ADGRL3: variants seen among roughly 807,000 people sequenced by gnomAD.
The protein encoded by ADGRL3 is adhesion G protein-coupled receptor L3.
In ADGRL3, 62 loss-of-function variants were observed where a neutral mutation model predicts 153.5. The observed-to-expected ratio is 0.40, with a 90% CI of 0.33 to 0.50. The LOEUF is 0.50. Ranked by LOEUF, ADGRL3 falls within the 20% of genes least tolerant of loss-of-function variation. The probability of loss-of-function intolerance (pLI) is 0.47; values close to 1 mark genes in which losing one functional copy is unlikely to be tolerated. For missense variants in ADGRL3, 1,641 were observed against 1,859.4 expected (o/e 0.88, Z 2.16); for synonymous variants, 710 against 672.5 (o/e 1.06, Z -0.86).
At chr4:61,568,325 T>G (rs181322482) in intron 4 of ADGRL3, among the ~76,000 whole-genome samples, 50 of 152,282 alleles carry the variant, frequency 3.3e-4, no homozygotes, top group African/African-American at 1.2e-3. Flanking sequence ...ACTCTCCAAC[T>G]GTCTCTCTTC....
intron 7 of ADGRL3, 87 bp from the exon 8 acceptor site, chr4:61,732,667 T>G (rs1454644134): frequency 6.3e-6 from 4 of 635,278 alleles, no homozygotes; most frequent in Admixed American, 3.5e-5. Flanking sequence ...CTTGTTAGAG[T>G]TGCATTCCAT....
At chr4:61,926,284 A>C (rs1339459514) in intron 13 of ADGRL3, among the ~76,000 whole-genome samples, 1 of 152,168 alleles carries the variant, frequency 6.6e-6, no homozygotes, top group Non-Finnish European at 1.5e-5. Flanking sequence ...CAAAGTAGGC[A>C]ACCTGAATTT....
At chr4:61,756,674 A>G (rs1201571652) in intron 8 of ADGRL3, among the ~76,000 whole-genome samples, 3 of 152,078 alleles carry the variant, frequency 2.0e-5, no homozygotes, top group Non-Finnish European at 4.4e-5. Context: ...GGAGTGGTGA[A>G]AAAGGGCATC....
intron 8 of ADGRL3, among the ~76,000 whole-genome samples, chr4:61,763,622 AT>A (rs1185178642): frequency 1.3e-5 from 2 of 152,142 alleles, no homozygotes; most frequent in African/African-American, 4.8e-5. Context: ...ACCCAAATAT[AT>A]TTAGTTTCTT....
chr4:61,251,302 G>A lies in ADGRL3; in HGVS notation c.-240+49537G>A, dbSNP rs1219078472. Among the ~76,000 whole-genome samples, 4 of 152,144 alleles carry A rather than the reference G, an allele frequency of 2.6e-5. No homozygotes were observed. The East Asian group carries it at 7.7e-4, about 29-fold the overall frequency. On this transcript the variant is annotated intron_variant, in intron 1 of 26. Transcript: ENST00000683033. ...CTGTGCCTAGCTAGACTATTGACTA[G>A]AGAACCTACACATGGCCTCCCCATG...
chr4:62,044,321 C>T, intron 24 of ADGRL3, 132 bp from the exon 25 acceptor site: 1 of 648,218 alleles, frequency 1.5e-6, no homozygotes, highest in South Asian at 1.9e-5. Flanking sequence ...GTACTGCAAA[C>T]ATGTAGTTGT....
chr4:61,893,709 C>CTTTTTTTT (rs34248874), intron 10 of ADGRL3, among the ~76,000 whole-genome samples: 1 of 97,436 alleles, frequency 1.0e-5, no homozygotes, highest in African/African-American at 4.0e-5. Flanking sequence ...ATTTCTTTGC[C>CTTTTTTTT]TTTTTTTTTT....
chr4:61,896,893 T>C (rs1262488725), intron 11 of ADGRL3, among the ~76,000 whole-genome samples: 2 of 152,196 alleles, frequency 1.3e-5, no homozygotes, highest in Non-Finnish European at 2.9e-5. Context: ...ATCAGTAGCA[T>C]ATCTCCCTAC....
intron 8 of ADGRL3, among the ~76,000 whole-genome samples, chr4:61,758,906 C>T (rs538037661): frequency 1.3e-4 from 20 of 152,238 alleles, no homozygotes; most frequent in Admixed American, 3.3e-4. Flanking sequence ...ATTTGCTAGT[C>T]TGTAAAGTAT....
intron 2 of ADGRL3, among the ~76,000 whole-genome samples, chr4:61,417,460 C>A (rs1257681564): frequency 6.6e-6 from 1 of 151,832 alleles, no homozygotes; most frequent in African/African-American, 2.4e-5. Flanking sequence ...CACACTCCAG[C>A]CTGGGTGACA....
intron 1 of ADGRL3, among the ~76,000 whole-genome samples, chr4:61,309,620 A>C (rs930359349): frequency 6.6e-6 from 1 of 152,146 alleles, no homozygotes. Flanking sequence ...AGGAAAGAGA[A>C]GATAGATTGC....
At chr4:61,243,639 G>A (rs182074437) in intron 1 of ADGRL3, among the ~76,000 whole-genome samples, 3 of 151,962 alleles carry the variant, frequency 2.0e-5, no homozygotes, top group African/African-American at 7.2e-5. Context: ...TGGTTCTAAT[G>A]TTGGCTTTTC....
chr4:61,934,604 T>C (rs1435581228), intron 13 of ADGRL3, among the ~76,000 whole-genome samples: 1 of 152,222 alleles, frequency 6.6e-6, no homozygotes, highest in Non-Finnish European at 1.5e-5. Flanking sequence ...TGCCTTTATT[T>C]GTTGTCCTTC....
intron 2 of ADGRL3, among the ~76,000 whole-genome samples, chr4:61,476,830 C>G (rs946019281): frequency 2.6e-5 from 4 of 151,418 alleles, no homozygotes; most frequent in African/African-American, 9.7e-5. Flanking sequence ...CCTGCCTCAG[C>G]CTCCCAAATG....
At chr4:61,913,458 G>A (rs2098731390) in intron 13 of ADGRL3, among the ~76,000 whole-genome samples, 3 of 152,164 alleles carry the variant, frequency 2.0e-5, no homozygotes, top group Admixed American at 6.5e-5. Flanking sequence ...ATATGAAAAT[G>A]TTTAGCTGTA....
At chr4:61,433,627 C>A (rs1036627970) in intron 2 of ADGRL3, among the ~76,000 whole-genome samples, 4 of 151,972 alleles carry the variant, frequency 2.6e-5, no homozygotes, top group Admixed American at 2.6e-4. Flanking sequence ...CTTGGCTGTT[C>A]GCCCTTTGGA....
Position 61,554,169 on chromosome 4 carries a change from GTATTTTATTTTATTT to G in ADGRL3, c.260-33038_260-33024del, listed in dbSNP as rs71211394. On this transcript the variant is annotated intron_variant, in intron 4 of 26. Coordinates refer to ENST00000683033, the MANE Select transcript of ADGRL3 (RefSeq NM_001387552.1). The stretch of plus-strand genomic sequence containing the variant: ...ATAAAAAATGTCTCTCCTAACTTAG[GTATTTTATTTTATTT>G]TATTTTATTTTATTTTATTCATTTT... Among the ~76,000 whole-genome samples, 1,332 of 138,808 alleles carry G rather than the reference GTATTTTATTTTATTT, an allele frequency of 9.6e-3. 28 individuals are homozygous for G. The highest frequency in any genetic ancestry group is 0.034 in the African/African-American group (1,232 of 36,346). The allele number at this position is 138,808 out of a possible 152,430, so 91.1% of individuals were successfully genotyped here.
At position 61,512,375 on chromosome 4, in the gene ADGRL3, T is replaced by C. The variant is rs115754999; in HGVS notation, c.56-4940T>C. On this transcript the variant is annotated intron_variant, in intron 3 of 26. Coordinates refer to ENST00000683033, the MANE Select transcript of ADGRL3 (RefSeq NM_001387552.1). The stretch of plus-strand genomic sequence containing the variant: ...TAATGATGTAATAATATATTTTAAG[T>C]GACTTTTGAGGAGAAACTCAACCCA... Among the ~76,000 whole-genome samples, 275 of 152,240 alleles carry C rather than the reference T, an allele frequency of 1.8e-3. 2 individuals carry two copies. The highest frequency in any genetic ancestry group is 6.5e-3 in the African/African-American group (270 of 41,560).
intron 6 of ADGRL3, among the ~76,000 whole-genome samples, chr4:61,718,256 T>G (rs2096165103): frequency 1.3e-5 from 2 of 152,166 alleles, no homozygotes; most frequent in South Asian, 2.1e-4. Flanking sequence ...TTTTATTTTT[T>G]TCTTTAAATT....
Sources: gnomAD v4.1 joint callset for allele counts (sites outside exome capture counted in the v4.1 genomes callset) on GRCh38, gnomAD v4.1.1 for gene constraint, MANE v1.5 for transcripts, NCBI Gene and HGNC (gene_info 2026-07-23, HGNC 2026-07-21) for gene names.